Variants in WDPCP observed in about 807,000 individuals in gnomAD.
WDPCP encodes the protein WD repeat containing planar cell polarity effector.
A neutral mutation model predicts 93.1 loss-of-function variants in WDPCP; 71 were observed. That is an observed-to-expected ratio of 0.76 (90% CI 0.63 to 0.93). WDPCP has a LOEUF of 0.93. Among genes scored for constraint, WDPCP ranks in the 40% least tolerant of loss-of-function variants. WDPCP has a pLI of 0.00. For synonymous variants in WDPCP, 315 were observed against 315.0 expected (o/e 1.00, Z 0.00); for missense variants, 844 against 887.4 (o/e 0.95, Z 0.62).
chr2:63,161,029 C>G (rs753510624), intron 15 of WDPCP, among the ~76,000 whole-genome samples: 26 of 152,336 alleles, frequency 1.7e-4, no homozygotes, highest in Non-Finnish European at 3.7e-4. Context: ...ATGTGCTCTT[C>G]TCCCTTGTTC....
chr2:63,670,650 A>G (rs1710334879), intron 2 of WDPCP, among the ~76,000 whole-genome samples: 1 of 152,114 alleles, frequency 6.6e-6, no homozygotes, highest in Non-Finnish European at 1.5e-5. Context: ...AAGAGAGAAA[A>G]TGAGATGGAG....
intron 1 of WDPCP, among the ~76,000 whole-genome samples, chr2:63,544,221 T>A (rs1704967240): frequency 6.6e-6 from 1 of 152,094 alleles, no homozygotes; most frequent in Non-Finnish European, 1.5e-5. Context: ...CACCACCTAG[T>A]GTTTACTCAG....
intron 2 of WDPCP, among the ~76,000 whole-genome samples, chr2:63,673,701 A>G (rs1710372610): frequency 2.0e-5 from 3 of 152,238 alleles, no homozygotes; most frequent in Admixed American, 1.3e-4. Context: ...CTGTGAGGAT[A>G]AGAAACATTT....
intron 2 of WDPCP, among the ~76,000 whole-genome samples, chr2:63,658,136 C>T (rs1437487018): frequency 6.6e-6 from 1 of 152,154 alleles, no homozygotes; most frequent in South Asian, 2.1e-4. Flanking sequence ...TGTTCTACAA[C>T]TCCATTGCCG....
At chr2:63,197,291 C>A (rs1004452294) in intron 14 of WDPCP, among the ~76,000 whole-genome samples, 9 of 152,008 alleles carry the variant, frequency 5.9e-5, no homozygotes, top group African/African-American at 1.9e-4. Flanking sequence ...TTCTAGCTTA[C>A]TCTATTGTAA....
chr2:63,583,904 T>C (rs909014847), intron 1 of WDPCP, among the ~76,000 whole-genome samples: 1 of 152,006 alleles, frequency 6.6e-6, no homozygotes, highest in African/African-American at 2.4e-5. Context: ...CCAGGCGTTC[T>C]AGACCAGCCT....
At chr2:63,749,914 C>T (rs1669855927) in intron 2 of WDPCP, among the ~76,000 whole-genome samples, 1 of 152,028 alleles carries the variant, frequency 6.6e-6, no homozygotes, top group African/African-American at 2.4e-5. Context: ...CTTAATTTTG[C>T]TATTATTGTT....
chr2:63,547,725 C>G (rs1458711457), intron 1 of WDPCP, among the ~76,000 whole-genome samples: 3 of 145,406 alleles, frequency 2.1e-5, no homozygotes, highest in African/African-American at 7.8e-5. Flanking sequence ...TGTTCTCACT[C>G]ATATGTGGAA....
intron 3 of WDPCP, among the ~76,000 whole-genome samples, chr2:63,634,244 G>A (rs1010139277): frequency 6.6e-6 from 1 of 152,176 alleles, no homozygotes; most frequent in Non-Finnish European, 1.5e-5. Context: ...AACTGAAAGA[G>A]AGCAGGGATA....
At chr2:63,782,768 G>GTA (rs1670414049) in intron 2 of WDPCP, among the ~76,000 whole-genome samples, 1 of 150,692 alleles carries the variant, frequency 6.6e-6, no homozygotes, top group Non-Finnish European at 1.5e-5. Context: ...GTGTGTGTGT[G>GTA]TGTGTGTGTT....
intron 15 of WDPCP, among the ~76,000 whole-genome samples, chr2:63,173,283 A>G (rs999003668): frequency 2.6e-5 from 4 of 151,886 alleles, no homozygotes; most frequent in Admixed American, 6.6e-5. Context: ...AAAAAAAAAA[A>G]AAGAAAAAAT....
intron 2 of WDPCP, chr2:63,752,412 G>T: frequency 1.3e-6 from 1 of 762,438 alleles, no homozygotes; most frequent in Non-Finnish European, 2.4e-6. Context: ...ACCTTGTGTG[G>T]CCTTGCATTC....
At chr2:63,531,417 C>G (rs1703836557) in intron 1 of WDPCP, among the ~76,000 whole-genome samples, 1 of 152,196 alleles carries the variant, frequency 6.6e-6, no homozygotes, top group Non-Finnish European at 1.5e-5. Context: ...CCTGAGTAGC[C>G]TAACTGGGAG....
At chr2:63,555,283 G>A (rs1706011416) in intron 1 of WDPCP, among the ~76,000 whole-genome samples, 2 of 152,206 alleles carry the variant, frequency 1.3e-5, no homozygotes, top group Non-Finnish European at 2.9e-5. Flanking sequence ...TAGCTGGGGG[G>A]ACCTCCCTGA....
At chr2:63,597,698 C>T (rs548480319) in intron 3 of WDPCP, 135 of 843,964 alleles carry the variant, frequency 1.6e-4, no homozygotes, top group Non-Finnish European at 2.0e-4. Flanking sequence ...TCAGTAAATA[C>T]GGCTCTAGAG....
At chr2:63,609,571 GA>G (rs1159493792) in intron 3 of WDPCP, among the ~76,000 whole-genome samples, 27 of 152,256 alleles carry the variant, frequency 1.8e-4, no homozygotes, top group African/African-American at 6.5e-4. Flanking sequence ...TTGGAAGCAT[GA>G]AAACTAATTT....
chr2:63,357,294 C>T (rs762635187), intron 12 of WDPCP, among the ~76,000 whole-genome samples: 4 of 152,092 alleles, frequency 2.6e-5, no homozygotes, highest in Non-Finnish European at 4.4e-5. Context: ...AACTTAAGAG[C>T]CTCTGTACAG....
At chr2:63,640,305 G>A (rs1379291814) in intron 3 of WDPCP, among the ~76,000 whole-genome samples, 1 of 152,154 alleles carries the variant, frequency 6.6e-6, no homozygotes, top group East Asian at 1.9e-4. Flanking sequence ...ACCATGCCCG[G>A]CCAGATGTAA....
chr2:63,820,972 A>T (rs1204917049), intron 1 of WDPCP, among the ~76,000 whole-genome samples: 1 of 152,182 alleles, frequency 6.6e-6, no homozygotes, highest in Non-Finnish European at 1.5e-5. Context: ...AAATTATGAG[A>T]CTATAGCTTT....
Sources: gnomAD v4.1 joint callset for allele counts (sites outside exome capture counted in the v4.1 genomes callset) on GRCh38, gnomAD v4.1.1 for gene constraint, MANE v1.5 for transcripts, NCBI Gene and HGNC (gene_info 2026-07-23, HGNC 2026-07-21) for gene names.